The following DPP10 variants were observed in gnomAD, a reference collection of about 807,000 sequenced individuals.
DPP10 encodes dipeptidyl peptidase like 10.
Under a neutral mutation model 120.9 loss-of-function variants are expected in DPP10, and 33 were observed. The ratio of observed to expected loss-of-function variants is 0.27; its 90% CI spans 0.21 to 0.37. The LOEUF (loss-of-function observed/expected upper bound fraction) is 0.37. Ranked by LOEUF, DPP10 falls within the 10% of genes least tolerant of loss-of-function variation. DPP10 has a pLI of 1.00. For synonymous variants in DPP10, 337 were observed against 326.1 expected, an observed-to-expected ratio of 1.03 and a Z score of -0.36; for missense variants, 816 against 942.8, an observed-to-expected ratio of 0.87 and a Z score of 1.76.
At chr2:115,279,517 A>C (rs2105863084) in intron 1 of DPP10, among the ~76,000 whole-genome samples, 1 of 152,122 alleles carries the variant, frequency 6.6e-6, no homozygotes. Flanking sequence ...TTTTGTAAGA[A>C]AGATTTTCTC....
intron 5 of DPP10, among the ~76,000 whole-genome samples, chr2:115,546,572 A>G (rs2079515531): frequency 1.3e-5 from 2 of 151,892 alleles, no homozygotes; most frequent in Admixed American, 6.6e-5. Context: ...AGGATTTTCT[A>G]CTCTCTTTGG....
chr2:114,603,127 A>G (rs1692505069), intron 1 of DPP10, among the ~76,000 whole-genome samples: 1 of 152,104 alleles, frequency 6.6e-6, no homozygotes, highest in Non-Finnish European at 1.5e-5. Context: ...CCCCATTGTA[A>G]GTATAATCAT....
At chr2:115,678,448 C>T (rs1174995982) in intron 5 of DPP10, among the ~76,000 whole-genome samples, 1 of 152,222 alleles carries the variant, frequency 6.6e-6, no homozygotes, top group Non-Finnish European at 1.5e-5. Context: ...TTGCCTTGCA[C>T]ATGATGTTAG....
At chr2:114,751,484 G>A (rs1361006453) in intron 1 of DPP10, among the ~76,000 whole-genome samples, 1 of 152,192 alleles carries the variant, frequency 6.6e-6, no homozygotes, top group Non-Finnish European at 1.5e-5. Flanking sequence ...GTCTTGCCCT[G>A]CTGTGAGAAG....
intron 1 of DPP10, among the ~76,000 whole-genome samples, chr2:114,693,820 C>T (rs1699911807): frequency 1.3e-5 from 2 of 151,780 alleles, no homozygotes; most frequent in African/African-American, 4.8e-5. Flanking sequence ...TGTCTTATTT[C>T]AGAAAGATAG....
chr2:114,865,095 T>G (rs1690120023), intron 1 of DPP10, among the ~76,000 whole-genome samples: 1 of 152,218 alleles, frequency 6.6e-6, no homozygotes, highest in African/African-American at 2.4e-5. Context: ...TTGCGGGACA[T>G]CTGGTACTAT....
intron 1 of DPP10, among the ~76,000 whole-genome samples, chr2:114,599,029 G>A (rs185436405): frequency 3.3e-5 from 5 of 151,894 alleles, no homozygotes; most frequent in Non-Finnish European, 4.4e-5. Context: ...AGAGTTCTGC[G>A]TTTGCTTGAC....
chr2:115,805,381 G>C (rs1279014687), intron 19 of DPP10, among the ~76,000 whole-genome samples: 2 of 152,074 alleles, frequency 1.3e-5, no homozygotes, highest in Non-Finnish European at 2.9e-5. Flanking sequence ...GCGCTTCCCG[G>C]GTGAGGCGAT....
chr2:114,881,565 C>CATCTATCT (rs60728242), intron 1 of DPP10, among the ~76,000 whole-genome samples: 86 of 141,216 alleles, frequency 6.1e-4, no homozygotes, highest in East Asian at 1.7e-3. Context: ...ATCTATGTAT[C>CATCTATCT]ATCTATCTAT....
At chr2:115,246,007 T>A (rs2058517114) in intron 1 of DPP10, among the ~76,000 whole-genome samples, 1 of 152,100 alleles carries the variant, frequency 6.6e-6, no homozygotes, top group Non-Finnish European at 1.5e-5. Flanking sequence ...GTTGTGCTTA[T>A]ATGTGATGTC....
chr2:115,575,874 A>G (rs2081622197), intron 5 of DPP10, among the ~76,000 whole-genome samples: 1 of 152,212 alleles, frequency 6.6e-6, no homozygotes, highest in Non-Finnish European at 1.5e-5. Flanking sequence ...CATGAGCTCA[A>G]GAACGTGAGC....
chr2:115,549,159 T>A (rs1287619402), intron 5 of DPP10, among the ~76,000 whole-genome samples: 1 of 152,180 alleles, frequency 6.6e-6, no homozygotes, highest in African/African-American at 2.4e-5. Flanking sequence ...TTTGGATACA[T>A]TGACTTGCTG....
At position 115,384,128 on chromosome 2, in the gene DPP10, C is replaced by T. The variant is rs1001881546; in HGVS notation, c.271+40216C>T. Among the ~76,000 whole-genome samples the T allele has an allele frequency of 6.6e-5, 10 of 152,280 alleles. No homozygotes were observed. The East Asian group carries it at 9.6e-4, about 15-fold the overall frequency. On this transcript the variant is annotated intron_variant, in intron 3 of 25. Transcript: ENST00000410059. ...CTCAGATATAAAATCTTTCTCCCAT[C>T]TCCTGCTCTCCTGTCTTCTGCTCCT...
chr2:115,360,673 T>C (rs559728723), intron 3 of DPP10, among the ~76,000 whole-genome samples: 9 of 152,286 alleles, frequency 5.9e-5, no homozygotes, highest in Non-Finnish European at 1.0e-4. Context: ...TGCCCACATT[T>C]CTTTAGCTCC....
intron 5 of DPP10, among the ~76,000 whole-genome samples, chr2:115,560,440 A>ATATG (rs2080564960): frequency 9.9e-6 from 1 of 100,696 alleles, no homozygotes; most frequent in Non-Finnish European, 1.9e-5. Flanking sequence ...ATATATATAT[A>ATATG]TATATACGAC....
intron 5 of DPP10, among the ~76,000 whole-genome samples, chr2:115,540,514 C>G (rs759964228): frequency 1.3e-5 from 2 of 151,814 alleles, no homozygotes; most frequent in African/African-American, 4.8e-5. Context: ...TTTCAAGAGA[C>G]TTGTTTCAAA....
At chr2:114,908,021 C>T (rs193032010) in intron 1 of DPP10, among the ~76,000 whole-genome samples, 20 of 151,936 alleles carry the variant, frequency 1.3e-4, no homozygotes, top group Admixed American at 1.3e-3. Flanking sequence ...TTACACCTTC[C>T]TGATGTATTG....
chr2:115,008,095 A>G (rs1701987072), intron 1 of DPP10, among the ~76,000 whole-genome samples: 1 of 142,164 alleles, frequency 7.0e-6, no homozygotes, highest in Non-Finnish European at 1.5e-5. Flanking sequence ...TTCATATGGA[A>G]CCAAAAAAGA....
At chr2:114,688,830 C>G (rs187207976) in intron 1 of DPP10, among the ~76,000 whole-genome samples, 1 of 151,954 alleles carries the variant, frequency 6.6e-6, no homozygotes, top group Non-Finnish European at 1.5e-5. Context: ...CTACATGAAT[C>G]ATTACCATCG....
Sources: gnomAD v4.1 joint callset for allele counts (sites outside exome capture counted in the v4.1 genomes callset) on GRCh38, gnomAD v4.1.1 for gene constraint, MANE v1.5 for transcripts, NCBI Gene and HGNC (gene_info 2026-07-23, HGNC 2026-07-21) for gene names.